Variants in EPM2A observed in about 807,000 individuals in gnomAD.
The protein encoded by EPM2A is laforin.
In EPM2A, 21 loss-of-function variants were observed where a neutral mutation model predicts 26.5. The ratio of observed to expected loss-of-function variants is 0.79; its 90% CI spans 0.56 to 1.14. The LOEUF (loss-of-function observed/expected upper bound fraction) is 1.14. EPM2A is among the 50% of genes most tolerant of loss of function. The pLI, the probability that EPM2A is intolerant of heterozygous loss-of-function variation, is 0.00. For missense variants in EPM2A, 458 were observed against 440.8 expected, an observed-to-expected ratio of 1.04 and a Z score of -0.35; for synonymous variants, 217 against 177.6, an observed-to-expected ratio of 1.22 and a Z score of -1.76.
At chr6:145,655,341 T>C (rs1205868361) in intron 2 of EPM2A, among the ~76,000 whole-genome samples, 1 of 152,168 alleles carries the variant, frequency 6.6e-6, no homozygotes, top group Non-Finnish European at 1.5e-5. Flanking sequence ...TATGTAAAAG[T>C]TACTTGCGTG....
At chr6:145,515,712 T>TG (rs1562365709) in intron 2 of EPM2A, among the ~76,000 whole-genome samples, 1 of 152,090 alleles carries the variant, frequency 6.6e-6, no homozygotes, top group Non-Finnish European at 1.5e-5. Context: ...CATATAAATC[T>TG]GGGGGGACAT....
intron 1 of EPM2A, among the ~76,000 whole-genome samples, chr6:145,723,026 C>T (rs529640621): frequency 1.6e-4 from 25 of 152,252 alleles, no homozygotes; most frequent in African/African-American, 4.8e-4. Flanking sequence ...TGGCTGCCTT[C>T]GCAAACAAAT....
intron 1 of EPM2A, among the ~76,000 whole-genome samples, chr6:145,720,285 T>C (rs1386112636): frequency 6.6e-6 from 1 of 152,174 alleles, no homozygotes; most frequent in Admixed American, 6.5e-5. Context: ...AGAGAAAACA[T>C]GAGACATTGT....
At chr6:145,395,149 C>G (rs1298406273) in intron 4 of EPM2A, among the ~76,000 whole-genome samples, 1 of 152,068 alleles carries the variant, frequency 6.6e-6, no homozygotes, top group Non-Finnish European at 1.5e-5. Flanking sequence ...CAAGCAGCAG[C>G]TTGGAGGGCT....
chr6:145,657,673 C>T (rs1343295381), intron 2 of EPM2A, among the ~76,000 whole-genome samples: 1 of 152,182 alleles, frequency 6.6e-6, no homozygotes, highest in Admixed American at 6.5e-5. Context: ...CTAACAACCT[C>T]TTTGGTCAGT....
rs1780317949 is a variant in EPM2A, at chr6:145,529,043, G to A, written c.341-26468C>T. On this transcript the variant is annotated intron_variant, in intron 2 of 3. Coordinates refer to the EPM2A transcript ENST00000450221. The stretch of plus-strand genomic sequence containing the variant: ...AAGAAAATAACTAGAGTCAGTCGTG[G>A]AGCCTAAAGATGTGACTGAATTGCT... 2.0e-5 allele frequency among the ~76,000 whole-genome samples: 3 copies of A among 152,244 alleles called. No homozygotes were observed. In the South Asian group the frequency reaches 6.2e-4, roughly 32 times the overall value.
At chr6:145,495,116 T>C (rs562418562) in intron 4 of EPM2A, among the ~76,000 whole-genome samples, 1 of 152,238 alleles carries the variant, frequency 6.6e-6, no homozygotes, top group East Asian at 1.9e-4. Flanking sequence ...TGTGTAGGAG[T>C]CTAAGTCTCT....
chr6:145,445,637 T>C (rs1779119889), intron 4 of EPM2A, among the ~76,000 whole-genome samples: 1 of 152,176 alleles, frequency 6.6e-6, no homozygotes, highest in South Asian at 2.1e-4. Flanking sequence ...ATTTACAGAG[T>C]TCTAAAAAAG....
At chr6:145,617,783 CTT>C (rs1373883091) in intron 2 of EPM2A, among the ~76,000 whole-genome samples, 3 of 151,994 alleles carry the variant, frequency 2.0e-5, no homozygotes, top group African/African-American at 4.8e-5. Context: ...TTAGAACAAA[CTT>C]TTAAAAATTA....
chr6:145,621,304 T>A (rs140037335), downstream of EPM2A, among the ~76,000 whole-genome samples: 17 of 152,380 alleles, frequency 1.1e-4, no homozygotes, highest in Middle Eastern at 0.014. Flanking sequence ...AATATTCCAC[T>A]GTTTATATAT....
intron 3 of EPM2A, chr6:145,632,028 TAA>T (rs1322586569): frequency 6.6e-5 from 10 of 152,220 alleles, no homozygotes; most frequent in African/African-American, 2.4e-4. Flanking sequence ...GGTAGAAACT[TAA>T]AGACTTGGAA....
At chr6:145,407,436 G>A (rs1300045341) in intron 4 of EPM2A, among the ~76,000 whole-genome samples, 1 of 152,016 alleles carries the variant, frequency 6.6e-6, no homozygotes, top group Non-Finnish European at 1.5e-5. Flanking sequence ...ATATTTCAAA[G>A]GGTTATCTTG....
intron 2 of EPM2A, among the ~76,000 whole-genome samples, chr6:145,674,928 C>T (rs1562474217): frequency 1.3e-5 from 2 of 152,114 alleles, no homozygotes; most frequent in African/African-American, 4.8e-5. Context: ...TCAGGAAATA[C>T]AGAGAACACC....
At chr6:145,728,947 T>C (rs1209757333) in intron 1 of EPM2A, among the ~76,000 whole-genome samples, 1 of 152,110 alleles carries the variant, frequency 6.6e-6, no homozygotes, top group Non-Finnish European at 1.5e-5. Context: ...CTGTACAACC[T>C]CAGGACACTG....
At position 145,718,809 on chromosome 6, in the gene EPM2A, G is replaced by A. The variant is rs544341867; in HGVS notation, c.301+16389C>T. Among the ~76,000 whole-genome samples, 35 of 152,074 alleles carry A rather than the reference G, an allele frequency of 2.3e-4. 1 individual carries two copies. Among genetic ancestry groups the A allele is most frequent in the Admixed American group, 1.6e-3 (25 of 15,248 alleles). On this transcript the variant is annotated intron_variant, in intron 1 of 3. Coordinates refer to ENST00000367519, the MANE Select transcript of EPM2A (RefSeq NM_005670.4). ...AACAACCCCATCAAAACAAGTGGGC[G>A]AAGGACATGAACAGACACTTCTCAA...
At chr6:145,526,799 T>C (rs1780280346) in intron 2 of EPM2A, among the ~76,000 whole-genome samples, 1 of 152,122 alleles carries the variant, frequency 6.6e-6, no homozygotes, top group Non-Finnish European at 1.5e-5. Context: ...TGCCTGATTT[T>C]AGTTCTTTCT....
intron 4 of EPM2A, among the ~76,000 whole-genome samples, chr6:145,459,402 T>G (rs1779300959): frequency 6.6e-6 from 1 of 152,204 alleles, no homozygotes; most frequent in Non-Finnish European, 1.5e-5. Context: ...AGAATCATGC[T>G]CGAAAAGTTC....
chr6:145,573,805 G>A (rs150841253), intron 2 of EPM2A, among the ~76,000 whole-genome samples: 58 of 152,150 alleles, frequency 3.8e-4, no homozygotes, highest in East Asian at 9.7e-4. Flanking sequence ...GGATGAGTCC[G>A]GAGACCCGCT....
At chr6:145,671,033 A>T in intron 2 of EPM2A, 1 of 985,208 alleles carries the variant, frequency 1.0e-6, no homozygotes, top group Non-Finnish European at 1.2e-6. Flanking sequence ...TGGAAATGCT[A>T]ATTGAAATTA....
Sources: gnomAD v4.1 joint callset for allele counts (sites outside exome capture counted in the v4.1 genomes callset) on GRCh38, gnomAD v4.1.1 for gene constraint, MANE v1.5 for transcripts, NCBI Gene and HGNC (gene_info 2026-07-23, HGNC 2026-07-21) for gene names.